The following RALGAPA2 variants were observed in gnomAD, a reference collection of about 807,000 sequenced individuals.
The protein encoded by RALGAPA2 is ral GTPase-activating protein subunit alpha-2.
A neutral mutation model predicts 230.4 loss-of-function variants in RALGAPA2; 139 were observed. The ratio of observed to expected loss-of-function variants is 0.60; its 90% CI spans 0.53 to 0.69. The LOEUF is 0.69. Among genes scored for constraint, RALGAPA2 ranks in the 30% least tolerant of loss-of-function variants. The probability of loss-of-function intolerance (pLI) is 0.00; values close to 1 mark genes in which losing one functional copy is unlikely to be tolerated. For synonymous variants in RALGAPA2, 847 were observed against 837.8 expected, an observed-to-expected ratio of 1.01 and a Z score of -0.19; for missense variants, 2,163 against 2,276.0, an observed-to-expected ratio of 0.95 and a Z score of 1.01.
At chr20:20,414,710 T>C (rs1321565072) in intron 37 of RALGAPA2, among the ~76,000 whole-genome samples, 1 of 152,204 alleles carries the variant, frequency 6.6e-6, no homozygotes, top group Non-Finnish European at 1.5e-5. Flanking sequence ...GACTCCTAAA[T>C]TAAGGCAGTA....
intron 10 of RALGAPA2, among the ~76,000 whole-genome samples, chr20:20,628,950 A>T (rs1048085948): frequency 6.6e-6 from 1 of 152,172 alleles, no homozygotes; most frequent in Non-Finnish European, 1.5e-5. Flanking sequence ...GAGTTTTTGC[A>T]GAAACCTCCA....
intron 23 of RALGAPA2, among the ~76,000 whole-genome samples, chr20:20,549,829 T>A (rs1176042951): frequency 6.6e-6 from 1 of 151,986 alleles, no homozygotes; most frequent in African/African-American, 2.4e-5. Context: ...ATAATAAAAA[T>A]CTGAAACCTT....
At position 20,582,569 on chromosome 20, in the gene RALGAPA2, AT is replaced by A. The variant is rs2065019804; in HGVS notation, c.2707+480del. ...ATCAAGGAAATTAGTATAAAAACAAATTTGGACTAGGGTCCCAAGATAATGG... is the reference window on the plus strand; with the variant it reads ...ATCAAGGAAATTAGTATAAAAACAAATTGGACTAGGGTCCCAAGATAATGG... On this transcript the variant is annotated intron_variant, in intron 20 of 39. Transcript: ENST00000202677. Among the ~76,000 whole-genome samples the A allele has an allele frequency of 2.0e-5, 3 of 152,134 alleles. No individual in the cohort carries two copies. In the South Asian group the frequency reaches 6.2e-4, roughly 32 times the overall value.
chr20:20,549,310 C>T (rs1394929696), intron 23 of RALGAPA2, among the ~76,000 whole-genome samples: 1 of 152,182 alleles, frequency 6.6e-6, no homozygotes, highest in Non-Finnish European at 1.5e-5. Context: ...ATGCTAAAGA[C>T]AGCAGATAGG....
intron 9 of RALGAPA2, among the ~76,000 whole-genome samples, chr20:20,629,985 A>C (rs1252268672): frequency 2.6e-5 from 4 of 152,222 alleles, no homozygotes; most frequent in Admixed American, 2.0e-4. Flanking sequence ...TGGAATATTC[A>C]GGGGACTTCT....
chr20:20,410,327 A>G (rs1214681096), intron 38 of RALGAPA2, among the ~76,000 whole-genome samples: 1 of 152,242 alleles, frequency 6.6e-6, no homozygotes, highest in African/African-American at 2.4e-5. Flanking sequence ...CATTTTGATA[A>G]TATCTTAATA....
intron 36 of RALGAPA2, among the ~76,000 whole-genome samples, chr20:20,476,673 TAAAA>T (rs926994265): frequency 3.5e-5 from 3 of 86,368 alleles, no homozygotes; most frequent in South Asian, 8.0e-4. Flanking sequence ...GCATAAATCA[TAAAA>T]TAAATAAATA....
At chr20:20,660,931 C>G (rs2067756168) in intron 3 of RALGAPA2, among the ~76,000 whole-genome samples, 1 of 152,006 alleles carries the variant, frequency 6.6e-6, no homozygotes, top group African/African-American at 2.4e-5. Context: ...TAGGCAGAAC[C>G]AAATGCAGGG....
chr20:20,669,192 G>A (rs557761040), intron 3 of RALGAPA2, among the ~76,000 whole-genome samples: 3 of 152,202 alleles, frequency 2.0e-5, no homozygotes, highest in South Asian at 2.1e-4. Context: ...GGGAGGGTGA[G>A]GAAATATCAA....
chr20:20,605,216 T>G lies in RALGAPA2; in HGVS notation c.1997A>C (p.Asp666Ala). ...CTTTTCCTTTTGTTCACTTAATTTATCCAGAGGTAGGTTTGTCATCTCAAC... is the reference window on the plus strand; with the variant it reads ...CTTTTCCTTTTGTTCACTTAATTTAGCCAGAGGTAGGTTTGTCATCTCAAC... Reference protein sequence around the residue: ...YGVEMTNLPLDKLSEQKEKKQ... With the variant: ...YGVEMTNLPLAKLSEQKEKKQ... Residue 666 changes from aspartate to alanine, a missense_variant, in exon 15 of 40, where the codon GAT becomes GCT. By Grantham distance (126) the Asp-to-Ala change is moderately radical. Coordinates refer to ENST00000202677, the MANE Select transcript of RALGAPA2 (RefSeq NM_020343.4). 1 of 1,613,650 alleles carries G rather than the reference T, an allele frequency of 6.2e-7. No individual in the cohort carries two copies. The highest frequency in any genetic ancestry group is 8.5e-7 in the Non-Finnish European group (1 of 1,179,656).
intron 37 of RALGAPA2, among the ~76,000 whole-genome samples, chr20:20,458,585 T>C (rs1171732931): frequency 8.1e-6 from 1 of 122,820 alleles, no homozygotes; most frequent in African/African-American, 3.5e-5. Flanking sequence ...TATATACCAA[T>C]ACAATAAGAA....
chr20:20,528,779 G>C (rs1197874627), intron 27 of RALGAPA2, among the ~76,000 whole-genome samples: 2 of 152,310 alleles, frequency 1.3e-5, no homozygotes, highest in Admixed American at 1.3e-4. Flanking sequence ...CTTACAAGAG[G>C]GGTGGTGCTG....
chr20:20,506,483 C>T (rs1255258059), intron 33 of RALGAPA2, among the ~76,000 whole-genome samples: 2 of 152,154 alleles, frequency 1.3e-5, no homozygotes, highest in Non-Finnish European at 2.9e-5. Flanking sequence ...AAACACTGTT[C>T]TTATTCAAAC....
rs1004654999 is a variant in RALGAPA2 at position 20,639,655 on chromosome 20, A to C, written c.666+130T>G. 7.5e-6 allele frequency: 5 copies of C among 669,178 alleles called. No homozygotes were observed. In the African/African-American group the frequency reaches 9.1e-5, roughly 12 times the overall value. The allele number at this position is 669,178 out of a possible 1,614,324, so 41.5% of individuals were successfully genotyped here. A position where few individuals can be genotyped will look rare whatever the true frequency, so the allele number is the denominator to read the frequency against. ...TGGTACACACTCTGCATTTGCTGAA[A>C]TATCACATAAAATCACCTCAAAGAA... On this transcript the variant is annotated intron_variant, in intron 7 of 39. Coordinates refer to ENST00000202677, the MANE Select transcript of RALGAPA2 (RefSeq NM_020343.4).
intron 1 of RALGAPA2, among the ~76,000 whole-genome samples, chr20:20,703,752 G>A (rs2069488369): frequency 6.6e-6 from 1 of 152,136 alleles, no homozygotes; most frequent in Non-Finnish European, 1.5e-5. Flanking sequence ...ATACCCAGCA[G>A]GGGGATGTTC....
Position 20,589,381 on chromosome 20 carries a change from C to T in RALGAPA2, c.2342-16G>A, listed in dbSNP as rs1430258493. On this transcript the variant is annotated splice_polypyrimidine_tract_variant and intron_variant, in intron 17 of 39. Transcript: ENST00000202677. ...GCCTTTTGACCTAGAAATGGTGGGG[C>T]AGGGGGGTAGCGGAAATAGAAGGAA... 1.3e-6 allele frequency: 2 copies of T among 1,567,462 alleles called. No individual in the cohort carries two copies. The highest frequency in any genetic ancestry group is 1.7e-6 in the Non-Finnish European group (2 of 1,154,236).
chr20:20,410,613 A>G (rs1217498933), intron 38 of RALGAPA2, among the ~76,000 whole-genome samples: 1 of 152,240 alleles, frequency 6.6e-6, no homozygotes, highest in Non-Finnish European at 1.5e-5. Context: ...CAGACCGAGT[A>G]TGAAATCTTC....
At chr20:20,697,952 C>T (rs955768617) in intron 1 of RALGAPA2, among the ~76,000 whole-genome samples, 7 of 152,268 alleles carry the variant, frequency 4.6e-5, no homozygotes, top group South Asian at 2.1e-4. Flanking sequence ...TGTTTAGTTA[C>T]GTATGTCATT....
intron 36 of RALGAPA2, among the ~76,000 whole-genome samples, chr20:20,483,477 C>A (rs559670489): frequency 6.6e-6 from 1 of 152,146 alleles, no homozygotes; most frequent in African/African-American, 2.4e-5. Flanking sequence ...CAAGGACAGT[C>A]GCCCTGAGAA....
Sources: allele counts gnomAD v4.1 joint callset (sites outside exome capture counted in the v4.1 genomes callset), GRCh38; gene constraint gnomAD v4.1.1; transcripts MANE v1.5; gene names NCBI Gene and HGNC (gene_info 2026-07-23, HGNC 2026-07-21).